SPRED1: variants seen among roughly 807,000 people sequenced by gnomAD.
SPRED1 encodes the protein sprouty related EVH1 domain containing 1.
A neutral mutation model predicts 52.3 loss-of-function variants in SPRED1; 18 were observed. The ratio of observed to expected loss-of-function variants is 0.34; its 90% confidence interval spans 0.24 to 0.51. The LOEUF (loss-of-function observed/expected upper bound fraction) is 0.51. SPRED1 is among the 20% of genes least tolerant of loss of function. SPRED1 has a pLI of 0.97. For synonymous variants in SPRED1, 155 were observed against 179.7 expected, an observed-to-expected ratio of 0.86 and a Z score of 1.10; for missense variants, 485 against 551.0, an observed-to-expected ratio of 0.88 and a Z score of 1.20.
intron 4 of SPRED1, among the ~76,000 whole-genome samples, chr15:38,338,038 T>TAAAA (rs66632536): frequency 1.1e-5 from 1 of 88,878 alleles, no homozygotes; most frequent in African/African-American, 4.5e-5. Context: ...CCATTGCTAC[T>TAAAA]AAAAAAAAAA....
Position 38,295,156 on chromosome 15 carries a change from G to A in SPRED1, c.33-4217G>A, listed in dbSNP as rs369060002. On this transcript the variant is annotated intron_variant, in intron 1 of 6. Coordinates refer to ENST00000299084, the MANE Select transcript of SPRED1 (RefSeq NM_152594.3). The stretch of plus-strand genomic sequence containing the variant: ...AAAGCAGTCACGTGTTTTGCAATAC[G>A]TATTTGCTCTGAGAAATACATTGTT... 1.2e-4 allele frequency among the ~76,000 whole-genome samples: 18 copies of A among 152,098 alleles called. No individual in the cohort carries two copies. The East Asian group carries it at 1.7e-3, about 15-fold the overall frequency.
chr15:38,265,556 A>G (rs1180179093), intron 1 of SPRED1, among the ~76,000 whole-genome samples: 3 of 152,166 alleles, frequency 2.0e-5, no homozygotes, highest in Non-Finnish European at 4.4e-5. Flanking sequence ...TGTTCTGGGC[A>G]GACTGAAGAG....
chr15:38,322,184 C>A, intron 2 of SPRED1, 57 bp from the exon 3 acceptor site: 1 of 1,515,632 alleles, frequency 6.6e-7, no homozygotes. Context: ...TATTTATGAG[C>A]TACATTAGAT....
At chr15:38,273,272 A>C (rs1442205559) in intron 1 of SPRED1, among the ~76,000 whole-genome samples, 1 of 152,098 alleles carries the variant, frequency 6.6e-6, no homozygotes, top group Non-Finnish European at 1.5e-5. Flanking sequence ...CCATGTGTAA[A>C]TTACCTCATT....
chr15:38,319,568 G>A (rs1398734895), intron 2 of SPRED1, among the ~76,000 whole-genome samples: 1 of 152,046 alleles, frequency 6.6e-6, no homozygotes, highest in East Asian at 1.9e-4. Flanking sequence ...TAGTGGAGAC[G>A]GGTTTCACTA....
At chr15:38,289,628 G>A (rs146212818) in intron 1 of SPRED1, among the ~76,000 whole-genome samples, 1 of 151,918 alleles carries the variant, frequency 6.6e-6, no homozygotes, top group South Asian at 2.1e-4. Flanking sequence ...TTTCCTGACT[G>A]TATAGGACTG....
chr15:38,255,575 G>A (rs2140945182), intron 1 of SPRED1, among the ~76,000 whole-genome samples: 1 of 152,254 alleles, frequency 6.6e-6, no homozygotes, highest in Admixed American at 6.5e-5. Context: ...TTGTTTGCTT[G>A]TGCATTAGAT....
intron 1 of SPRED1, among the ~76,000 whole-genome samples, chr15:38,289,637 T>C (rs1421661021): frequency 1.3e-5 from 2 of 152,164 alleles, no homozygotes; most frequent in African/African-American, 4.8e-5. Context: ...TGTATAGGAC[T>C]GTAGTCAGAG....
chr15:38,322,506 AC>A, intron 3 of SPRED1, 97 bp downstream of exon 3: 1 of 1,269,190 alleles, frequency 7.9e-7, no homozygotes, highest in Non-Finnish European at 1.1e-6. Flanking sequence ...TCACACTTTA[AC>A]CATGTCAGCT....
intron 1 of SPRED1, among the ~76,000 whole-genome samples, chr15:38,272,462 G>A (rs1423590501): frequency 6.6e-6 from 1 of 151,980 alleles, no homozygotes; most frequent in East Asian, 1.9e-4. Flanking sequence ...AGAGACAGGG[G>A]TTTCACCATG....
chr15:38,294,059 A>C (rs1240701406), intron 1 of SPRED1, among the ~76,000 whole-genome samples: 1 of 152,152 alleles, frequency 6.6e-6, no homozygotes, highest in African/African-American at 2.4e-5. Flanking sequence ...ATTGAGTAGT[A>C]ATGTGGTTAT....
At position 38,351,358 on chromosome 15, in the gene SPRED1, T is replaced by G. The variant is rs1369956488; in HGVS notation, c.1029T>G (p.Asn343Lys). Residue 343 changes from asparagine to lysine, a missense_variant, in exon 7 of 7, where the codon AAT (asparagine) becomes AAG (lysine). Coordinates refer to ENST00000299084, the MANE Select transcript of SPRED1 (RefSeq NM_152594.3). ...SRCVYCQERFNHEENVRGKCQ... is the reference protein window; with the variant it reads ...SRCVYCQERFKHEENVRGKCQ... ...GCGTATACTGCCAGGAAAGGTTTAA[T>G]CATGAAGAAAATGTTAGGGGAAAAT... 1 of 1,614,016 alleles carries G rather than the reference T, an allele frequency of 6.2e-7. No homozygotes were observed. The highest frequency in any genetic ancestry group is 8.5e-7 in the Non-Finnish European group (1 of 1,180,024).
intron 5 of SPRED1, among the ~76,000 whole-genome samples, chr15:38,348,631 T>G (rs1896190863): frequency 6.6e-6 from 1 of 152,108 alleles, no homozygotes; most frequent in Non-Finnish European, 1.5e-5. Context: ...ATTAAGTATG[T>G]AACAGTAGGA....
intron 5 of SPRED1, among the ~76,000 whole-genome samples, chr15:38,342,275 T>C (rs193145627): frequency 6.6e-6 from 1 of 152,026 alleles, no homozygotes. Context: ...AGATTACAAA[T>C]GTATCTTGCA....
rs72065278 is a variant in SPRED1, at chr15:38,340,996, T to TTTC, written c.582+1103_582+1104insCTT. ...CTTAGTGAAGCCACCTGGGCCTGGA[T>TTTC]TTTTTTTTTTTTTTTTTAGATGGTT... On this transcript the variant is annotated intron_variant, in intron 5 of 6. Coordinates refer to ENST00000299084, the MANE Select transcript of SPRED1 (RefSeq NM_152594.3). Among the ~76,000 whole-genome samples the TTTC allele has an allele frequency of 1.1e-3, 5 of 4,378 alleles. No homozygotes were observed. In the Non-Finnish European group the frequency reaches 0.012, roughly 10 times the overall value. 2.9% of individuals were successfully genotyped at this position (4,378 alleles called of 152,430 possible).
In SPRED1 at chr15:38,313,015, C is replaced by T. The variant is rs187164810; in HGVS notation, c.208-9226C>T. 1.3e-4 allele frequency among the ~76,000 whole-genome samples: 19 copies of T among 151,924 alleles called. No individual in the cohort carries two copies. The East Asian group carries it at 1.7e-3, about 14-fold the overall frequency. Reference sequence around the variant, plus strand: ...TGAATGTATCATTTTCTCCCTCTCCCACACGCACACACCCACATACACAAA... The same window carrying T: ...TGAATGTATCATTTTCTCCCTCTCCTACACGCACACACCCACATACACAAA... On this transcript the variant is annotated intron_variant, in intron 2 of 6. Coordinates refer to ENST00000299084, the MANE Select transcript of SPRED1 (RefSeq NM_152594.3).
intron 1 of SPRED1, among the ~76,000 whole-genome samples, chr15:38,262,384 G>T (rs914981369): frequency 6.6e-6 from 1 of 152,172 alleles, no homozygotes; most frequent in Non-Finnish European, 1.5e-5. Context: ...TTCTACCTGG[G>T]AGTTGGTGGC....
In SPRED1 at chr15:38,352,110, C is replaced by T; in HGVS notation, c.*446C>T. On this transcript the variant is annotated 3_prime_UTR_variant, in exon 7 of 7. Transcript: ENST00000299084. ...GGAATTACAAGAAGTAAAACAAGTG[C>T]AACTAAATCATTTATTAGTTGTTTT... The T allele has an allele frequency of 5.8e-6, 1 of 171,094 alleles. No homozygotes were observed. Among genetic ancestry groups the T allele is most frequent in the Non-Finnish European group, 1.3e-5 (1 of 79,478 alleles). 10.6% of individuals were successfully genotyped at this position (171,094 alleles called of 1,614,324 possible).
At chr15:38,326,466 G>C (rs903582574) in intron 4 of SPRED1, 7 of 152,154 alleles carry the variant, frequency 4.6e-5, no homozygotes, top group Admixed American at 1.3e-4. Context: ...ATCAAATCCA[G>C]GGCCTTCTTA....
Sources: allele counts gnomAD v4.1 joint callset (sites outside exome capture counted in the v4.1 genomes callset), GRCh38; gene constraint gnomAD v4.1.1; transcripts MANE v1.5; gene names NCBI Gene and HGNC (gene_info 2026-07-23, HGNC 2026-07-21).